PRKAG2: variants seen among roughly 807,000 people sequenced by gnomAD.
PRKAG2 encodes the protein protein kinase AMP-activated non-catalytic subunit gamma 2, also known as 5'-AMP-activated protein kinase subunit gamma-2.
In PRKAG2, 26 loss-of-function variants were observed where a neutral mutation model predicts 69.6. The observed-to-expected ratio is 0.37, with a 90% confidence interval of 0.27 to 0.52. The LOEUF (loss-of-function observed/expected upper bound fraction) is 0.52. PRKAG2 is among the 20% of genes least tolerant of loss of function. PRKAG2 has a pLI of 0.90. For missense variants in PRKAG2, 557 were observed against 740.0 expected, an observed-to-expected ratio of 0.75 and a Z score of 2.87; for synonymous variants, 293 against 285.0, an observed-to-expected ratio of 1.03 and a Z score of -0.28.
chr7:151,818,461 G>A (rs1194837895), intron 1 of PRKAG2, among the ~76,000 whole-genome samples: 2 of 152,238 alleles, frequency 1.3e-5, no homozygotes, highest in Non-Finnish European at 1.5e-5. Context: ...GCATTGCTAT[G>A]CAGGACTACA....
intron 1 of PRKAG2, among the ~76,000 whole-genome samples, chr7:151,831,865 AGG>A (rs1485287131): frequency 1.3e-5 from 2 of 152,120 alleles, no homozygotes; most frequent in Non-Finnish European, 2.9e-5. Flanking sequence ...AGAGGCCGCT[AGG>A]GAGGTGACAG....
At position 151,728,640 on chromosome 7, in the gene PRKAG2, C is replaced by T. The variant is rs997537812; in HGVS notation, c.466+52512G>A. On this transcript the variant is annotated intron_variant, in intron 3 of 15. Transcript: ENST00000287878. ...CTCTGAAATCTTTCCCTTTCGTCTT[C>T]GGACACTTTCAGACGCTGCAGTCCT... is the stretch of plus-strand genomic sequence containing the variant. Among the ~76,000 whole-genome samples, 14 of 152,316 alleles carry T rather than the reference C, an allele frequency of 9.2e-5. No homozygotes were observed. In the East Asian group the frequency reaches 1.9e-3, roughly 21 times the overall value.
At chr7:151,873,902 C>T (rs2080278973) in intron 1 of PRKAG2, among the ~76,000 whole-genome samples, 1 of 152,028 alleles carries the variant, frequency 6.6e-6, no homozygotes, top group African/African-American at 2.4e-5. Context: ...AACCACTGGA[C>T]AATGGCATGT....
intron 5 of PRKAG2, among the ~76,000 whole-genome samples, chr7:151,605,509 T>TG (rs1401197233): frequency 6.6e-6 from 1 of 150,676 alleles, no homozygotes; most frequent in African/African-American, 2.4e-5. Flanking sequence ...CCAAGGCGGG[T>TG]GGATTGCTTG....
chr7:151,775,693 C>T (rs371235241), intron 3 of PRKAG2, among the ~76,000 whole-genome samples: 17 of 152,170 alleles, frequency 1.1e-4, no homozygotes, highest in African/African-American at 3.6e-4. Context: ...AAAGCAGTCC[C>T]GTTGATCAGA....
chr7:151,574,883 C>G lies in PRKAG2; in HGVS notation c.1005+8G>C, dbSNP rs1245068890. The G allele has an allele frequency of 9.3e-6, 15 of 1,613,424 alleles. No homozygotes were observed. The highest frequency in any genetic ancestry group is 2.7e-5 in the African/African-American group (2 of 74,902). On this transcript the variant is annotated splice_region_variant and intron_variant, in intron 8 of 15. Transcript: ENST00000287878. ...CCAACTACTGACATAGGAACTGGTGCCACTTACCATAGGTGATTTATAGTA... is the reference window on the plus strand; with the variant it reads ...CCAACTACTGACATAGGAACTGGTGGCACTTACCATAGGTGATTTATAGTA...
Position 151,756,408 on chromosome 7 carries a change from G to A in PRKAG2, c.466+24744C>T, listed in dbSNP as rs1015515040. On this transcript the variant is annotated intron_variant, in intron 3 of 15. Transcript: ENST00000287878. The surrounding 1 kb of genome is among the most constrained non-coding windows in gnomAD (Gnocchi z 4.9). Reference sequence around the variant, plus strand: ...CTAGATGGATTTGTGGGTGCATCTCGGGCACCCCGCTCAGCACATGGCTCA... The same window carrying A: ...CTAGATGGATTTGTGGGTGCATCTCAGGCACCCCGCTCAGCACATGGCTCA... Among the ~76,000 whole-genome samples the A allele has an allele frequency of 2.6e-5, 4 of 152,208 alleles. No individual in the cohort carries two copies. Among genetic ancestry groups the A allele is most frequent in the African/African-American group, 4.8e-5 (2 of 41,462 alleles).
At chr7:151,640,693 C>T (rs953268213) in intron 4 of PRKAG2, among the ~76,000 whole-genome samples, 5 of 151,844 alleles carry the variant, frequency 3.3e-5, no homozygotes, top group Non-Finnish European at 7.3e-5. Context: ...CCCCGATTCA[C>T]GACCTTTTCT....
At chr7:151,866,999 G>C (rs559150556) in intron 1 of PRKAG2, among the ~76,000 whole-genome samples, 3 of 152,174 alleles carry the variant, frequency 2.0e-5, no homozygotes, top group Admixed American at 6.5e-5. Context: ...CCTCTGTCAC[G>C]TTACGTTGGT....
intron 3 of PRKAG2, among the ~76,000 whole-genome samples, chr7:151,679,228 C>T (rs533372806): frequency 6.6e-6 from 1 of 152,122 alleles, no homozygotes; most frequent in Non-Finnish European, 1.5e-5. Context: ...CTCGGGGAGG[C>T]CTGCCCGGGG....
At chr7:151,773,052 AGGG>A (rs2076141732) in intron 3 of PRKAG2, among the ~76,000 whole-genome samples, 9 of 25,744 alleles carry the variant, frequency 3.5e-4, no homozygotes, top group African/African-American at 1.5e-3. Flanking sequence ...AGAGAGAGAG[AGGG>A]AGGGAGGGAG....
Position 151,707,121 on chromosome 7 carries a change from G to GCTCA in PRKAG2, c.467-31485_467-31484insTGAG, listed in dbSNP as rs2151590389. Among the ~76,000 whole-genome samples the GCTCA allele has an allele frequency of 3.0e-5, 4 of 132,562 alleles. No individual in the cohort carries two copies. The South Asian group carries it at 1.4e-3, about 46-fold the overall frequency. 87.0% of individuals were successfully genotyped at this position (132,562 alleles called of 152,430 possible). Reference sequence around the variant, plus strand: ...CAAGTCCCCAGGACATTTAACACCTGGTCAGAGGACAAGTCCAAGCACCTG... The same window carrying GCTCA: ...CAAGTCCCCAGGACATTTAACACCTGCTCAGTCAGAGGACAAGTCCAAGCACCTG... On this transcript the variant is annotated intron_variant, in intron 3 of 15. Transcript: ENST00000287878.
At chr7:151,739,965 T>A (rs1296115173) in intron 3 of PRKAG2, among the ~76,000 whole-genome samples, 1 of 152,144 alleles carries the variant, frequency 6.6e-6, no homozygotes, top group African/African-American at 2.4e-5. Flanking sequence ...TTTTAGCTCT[T>A]CTATTCTATA....
Position 151,692,073 on chromosome 7 carries a change from G to A in PRKAG2, c.467-16436C>T, listed in dbSNP as rs143554526. Among the ~76,000 whole-genome samples, 554 of 152,134 alleles carry A rather than the reference G, an allele frequency of 3.6e-3. 2 individuals are homozygous for A. The highest frequency in any genetic ancestry group is 0.02 in the Middle Eastern group (6 of 294). On this transcript the variant is annotated intron_variant, in intron 3 of 15. Transcript: ENST00000287878. ...TGCAGTGGCACACTCCTGTTGTCCC[G>A]GCTGCTTGGGAGGCTGAGGTGTGAG...
chr7:151,762,221 G>A (rs1459831224), intron 3 of PRKAG2, among the ~76,000 whole-genome samples: 2 of 152,214 alleles, frequency 1.3e-5, no homozygotes, highest in African/African-American at 4.8e-5. Context: ...GGAAGGCCCT[G>A]CATGGTAGCC....
At chr7:151,746,468 T>C (rs1489402550) in intron 3 of PRKAG2, among the ~76,000 whole-genome samples, 1 of 152,238 alleles carries the variant, frequency 6.6e-6, no homozygotes, top group African/African-American at 2.4e-5. Flanking sequence ...TTCTTCCACA[T>C]TTCTCCCATA....
intron 3 of PRKAG2, among the ~76,000 whole-genome samples, chr7:151,766,394 G>A (rs1000765483): frequency 6.6e-6 from 1 of 152,204 alleles, no homozygotes; most frequent in Non-Finnish European, 1.5e-5. Flanking sequence ...GTAGGTGGGA[G>A]GTTGGTGGGA....
intron 4 of PRKAG2, among the ~76,000 whole-genome samples, chr7:151,668,804 T>C (rs1003370033): frequency 6.6e-6 from 1 of 152,196 alleles, no homozygotes; most frequent in African/African-American, 2.4e-5. Flanking sequence ...ACAGGTTCCT[T>C]CCGAGAGCAC....
chr7:151,715,027 T>G (rs1795941031), intron 3 of PRKAG2, among the ~76,000 whole-genome samples: 1 of 151,156 alleles, frequency 6.6e-6, no homozygotes, highest in Admixed American at 6.6e-5. Flanking sequence ...ATTTTTTTTT[T>G]TTTTTGAGAT....
Sources: gnomAD v4.1 joint callset for allele counts (sites outside exome capture counted in the v4.1 genomes callset) on GRCh38, gnomAD v4.1.1 for gene constraint, Gnocchi (gnomAD v3.1) non-coding constraint, MANE v1.5 for transcripts, NCBI Gene and HGNC (gene_info 2026-07-23, HGNC 2026-07-21) for gene names.